Variants in CNGB1 observed in about 807,000 individuals in gnomAD.
CNGB1 encodes the protein cyclic nucleotide-gated channel beta-1.
Under a neutral mutation model 151.7 loss-of-function variants are expected in CNGB1, and 126 were observed. That is an observed-to-expected ratio of 0.83 (90% CI 0.72 to 0.96). The LOEUF is 0.96. Ranked by LOEUF, CNGB1 falls within the 40% of genes least tolerant of loss-of-function variation. CNGB1 has a pLI of 0.00. For synonymous variants in CNGB1, 623 were observed against 635.1 expected (o/e 0.98, Z 0.29); for missense variants, 1,698 against 1,627.0 (o/e 1.04, Z -0.75).
chr16:57,884,221 C>T lies in CNGB1; in HGVS notation c.3699G>A (p.Pro1233=), dbSNP rs940485326. ...TCTTCACCGACAGGATCTGCTCTCC[C>T]GGCTCCGGGCCCGGGCTCATGCAGA... ...VRICMSPGPE[P]GEQILSVKMP... Residue 1233 remains proline, a synonymous_variant, in exon 33 of 33, where the codon CCG becomes CCA. Transcript: ENST00000251102. The T allele has an allele frequency of 5.0e-6, 8 of 1,613,844 alleles. No individual in the cohort carries two copies. Among genetic ancestry groups the T allele is most frequent in the South Asian group, 3.3e-5 (3 of 91,094 alleles).
chr16:57,883,788 A>G lies in CNGB1; in HGVS notation c.*376T>C, dbSNP rs1004688962. 7 of 344,334 alleles carry G rather than the reference A, an allele frequency of 2.0e-5. No homozygotes were observed. Among genetic ancestry groups the G allele is most frequent in the African/African-American group, 4.3e-5 (2 of 46,696 alleles). The allele number at this position is 344,334 out of a possible 1,614,324, so 21.3% of individuals were successfully genotyped here. On this transcript the variant is annotated 3_prime_UTR_variant, in exon 33 of 33. Transcript: ENST00000251102. ...GGGGAAACCCCACACATTCAATAAC[A>G]CTTTACTTTTTCAGCAAAGCTTCCC...
At chr16:57,918,830 G>A (rs1356559018) in intron 20 of CNGB1, among the ~76,000 whole-genome samples, 1 of 152,184 alleles carries the variant, frequency 6.6e-6, no homozygotes, top group Non-Finnish European at 1.5e-5. Flanking sequence ...CTCTCAAGTA[G>A]CTGGGATTAC....
intron 12 of CNGB1, among the ~76,000 whole-genome samples, chr16:57,955,696 G>C (rs577090975): frequency 6.6e-6 from 1 of 152,260 alleles, no homozygotes; most frequent in South Asian, 2.1e-4. Flanking sequence ...TTTAAAGAAC[G>C]GAGAGGGAGG....
intron 12 of CNGB1, among the ~76,000 whole-genome samples, 174 bp from the exon 13 acceptor site, chr16:57,950,714 G>A (rs1330842208): frequency 2.6e-5 from 4 of 152,210 alleles, no homozygotes; most frequent in African/African-American, 7.2e-5. Context: ...TCGGTGTTCC[G>A]GTGATAGGTT....
intron 18 of CNGB1, among the ~76,000 whole-genome samples, chr16:57,921,769 C>A (rs906002466): frequency 6.6e-6 from 1 of 152,286 alleles, no homozygotes; most frequent in Non-Finnish European, 1.5e-5. Context: ...TGGGAAGGCA[C>A]ATGGATAAAG....
intron 26 of CNGB1, among the ~76,000 whole-genome samples, chr16:57,904,206 C>T (rs369522654): frequency 6.6e-6 from 1 of 152,112 alleles, no homozygotes; most frequent in Admixed American, 6.5e-5. Context: ...AGACTGCCAG[C>T]CCCTTGGTGG....
intron 4 of CNGB1, 64 bp downstream of exon 4, chr16:57,964,066 C>G: frequency 6.6e-7 from 1 of 1,511,904 alleles, no homozygotes; most frequent in South Asian, 1.1e-5. Flanking sequence ...CCCCAGGGCT[C>G]CCTAGCTGGG....
chr16:57,920,577 G>A (rs779150756), intron 18 of CNGB1, 33 bp from the exon 19 acceptor site: 3 of 1,606,632 alleles, frequency 1.9e-6, no homozygotes, highest in East Asian at 2.2e-5. Context: ...TGAGCAGGCT[G>A]AGCCGGGAGG....
chr16:57,901,474 G>C, intron 28 of CNGB1, 39 bp from the exon 29 acceptor site: 1 of 1,613,612 alleles, frequency 6.2e-7, no homozygotes, highest in Non-Finnish European at 8.5e-7. Context: ...TTTTAGAGAA[G>C]ATTGGGCTTG....
intron 16 of CNGB1, among the ~76,000 whole-genome samples, chr16:57,938,808 G>T (rs1397144499): frequency 1.3e-5 from 2 of 152,096 alleles, no homozygotes; most frequent in Admixed American, 6.6e-5. Context: ...CCAGCTCCAG[G>T]GTCCAGCTGT....
chr16:57,912,831 TTGTG>T (rs573313474), intron 24 of CNGB1, 95 bp downstream of exon 24: 30 of 1,205,888 alleles, frequency 2.5e-5, no homozygotes, highest in East Asian at 2.4e-5. Flanking sequence ...CGTGTGTGTG[TTGTG>T]TGTGTGTCAT....
At chr16:57,948,771 C>T (rs1961870873) in intron 14 of CNGB1, among the ~76,000 whole-genome samples, 1 of 152,212 alleles carries the variant, frequency 6.6e-6, no homozygotes, top group African/African-American at 2.4e-5. Flanking sequence ...CTTCCACTCA[C>T]CCTCCATAGT....
At chr16:57,916,655 C>A (rs1374256011) in intron 21 of CNGB1, among the ~76,000 whole-genome samples, 3 of 152,206 alleles carry the variant, frequency 2.0e-5, no homozygotes, top group Admixed American at 2.0e-4. Flanking sequence ...GTGACCCACA[C>A]TGGGAGACAG....
At chr16:57,907,020 A>T (rs1257419717) in intron 25 of CNGB1, among the ~76,000 whole-genome samples, 1 of 152,166 alleles carries the variant, frequency 6.6e-6, no homozygotes, top group Non-Finnish European at 1.5e-5. Flanking sequence ...TCTTCATGCT[A>T]TTGGAATTTC....
Position 57,964,127 on chromosome 16 carries a change from T to C in CNGB1, c.290+3A>G, listed in dbSNP as rs746723123. The C allele has an allele frequency of 1.9e-6, 3 of 1,613,890 alleles. No individual in the cohort carries two copies. The South Asian group carries it at 3.3e-5, about 18-fold the overall frequency. On this transcript the variant is annotated splice_donor_region_variant and intron_variant, in intron 4 of 32. Coordinates refer to ENST00000251102, the MANE Select transcript of CNGB1 (RefSeq NM_001297.5). Reference sequence around the variant, plus strand: ...CTGAAGAGAGGGGAGGGTGGTGCAGTACCTATTCATTTCAGAAATCTCAGC... The same window carrying C: ...CTGAAGAGAGGGGAGGGTGGTGCAGCACCTATTCATTTCAGAAATCTCAGC...
intron 17 of CNGB1, among the ~76,000 whole-genome samples, chr16:57,925,012 T>C (rs1348409402): frequency 6.6e-6 from 1 of 152,174 alleles, no homozygotes; most frequent in African/African-American, 2.4e-5. Context: ...TTTATTTATT[T>C]ATTCATTTGA....
chr16:57,957,309 T>G lies in CNGB1; in HGVS notation c.874+32A>C, dbSNP rs1316194012. ...GGACACCAAGCAACCCTTCCTAATA[T>G]GTACATGGGGACTCAGTAATGTGTC... On this transcript the variant is annotated intron_variant, in intron 12 of 32. Coordinates refer to ENST00000251102, the MANE Select transcript of CNGB1 (RefSeq NM_001297.5). 4 of 1,607,338 alleles carry G rather than the reference T, an allele frequency of 2.5e-6. No homozygotes were observed. In the African/African-American group the frequency reaches 5.4e-5, roughly 22 times the overall value.
intron 18 of CNGB1, among the ~76,000 whole-genome samples, chr16:57,922,175 T>G (rs1596981724): frequency 6.6e-6 from 1 of 152,098 alleles, no homozygotes; most frequent in South Asian, 2.1e-4. Context: ...CTGCATAAAA[T>G]TGTGGATAGA....
intron 23 of CNGB1, 123 bp downstream of exon 23, chr16:57,915,126 C>T (rs1960826651): frequency 1.4e-6 from 1 of 727,556 alleles, no homozygotes; most frequent in African/African-American, 1.8e-5. Flanking sequence ...ATGCATCTCC[C>T]CTCGGGCCAT....
Sources: gnomAD v4.1 joint callset for allele counts (sites outside exome capture counted in the v4.1 genomes callset) on GRCh38, gnomAD v4.1.1 for gene constraint, MANE v1.5 for transcripts, NCBI Gene and HGNC (gene_info 2026-07-23, HGNC 2026-07-21) for gene names.